Variants in MND1 observed in about 807,000 individuals in gnomAD.
The protein encoded by MND1 is meiotic nuclear division protein 1 homolog.
In MND1, 28 loss-of-function variants were observed where a neutral mutation model predicts 35.1. That is an observed-to-expected ratio of 0.80 (90% confidence interval 0.59 to 1.09). MND1 has a LOEUF of 1.09. MND1 is among the 50% of genes least tolerant of loss of function. The pLI is 0.00. For synonymous variants in MND1, 69 were observed against 70.5 expected (o/e 0.98, Z 0.11); for missense variants, 213 against 239.6 (o/e 0.89, Z 0.73).
rs374965367 is a variant in MND1, at chr4:153,389,949, T to C, written c.277-4313T>C. Among the ~76,000 whole-genome samples, 6 of 152,234 alleles carry C rather than the reference T, an allele frequency of 3.9e-5. No individual in the cohort carries two copies. In the South Asian group the frequency reaches 1.2e-3, roughly 32 times the overall value. On this transcript the variant is annotated intron_variant, in intron 4 of 7. Coordinates refer to ENST00000240488, the MANE Select transcript of MND1 (RefSeq NM_032117.4). Reference sequence around the variant, plus strand: ...CCTGGGAACATACTAGAAATGCACATTATTGGGCCCCACCCCAGATGTGCT... The same window carrying C: ...CCTGGGAACATACTAGAAATGCACACTATTGGGCCCCACCCCAGATGTGCT...
Position 153,380,290 on chromosome 4 carries a change from T to TAGATATCAGA in MND1, c.277-13972_277-13971insAGATATCAGA, listed in dbSNP as rs1189419445. On this transcript the variant is annotated intron_variant, in intron 4 of 7. Transcript: ENST00000240488. Reference sequence around the variant, plus strand: ...CCACCACACATTGATATCAGAGGTCTGGACTAGATTTCTTTTTTTTTGGCA... The same window carrying TAGATATCAGA: ...CCACCACACATTGATATCAGAGGTCTAGATATCAGAGGACTAGATTTCTTTTTTTTTGGCA... 2.6e-5 allele frequency among the ~76,000 whole-genome samples: 4 copies of TAGATATCAGA among 152,326 alleles called. No individual in the cohort carries two copies. In the East Asian group the frequency reaches 7.7e-4, roughly 29 times the overall value.
At chr4:153,361,955 G>T (rs906637810) in intron 4 of MND1, among the ~76,000 whole-genome samples, 1 of 151,918 alleles carries the variant, frequency 6.6e-6, no homozygotes, top group Non-Finnish European at 1.5e-5. Context: ...CGTCTATGTT[G>T]TTTAAGAACT....
intron 6 of MND1, among the ~76,000 whole-genome samples, chr4:153,403,156 T>C (rs143101526): frequency 6.6e-6 from 1 of 151,954 alleles, no homozygotes; most frequent in Non-Finnish European, 1.5e-5. Flanking sequence ...AGAAACTAAA[T>C]GATATGTTCA....
chr4:153,398,774 A>C (rs957434886), intron 6 of MND1, among the ~76,000 whole-genome samples: 1 of 152,228 alleles, frequency 6.6e-6, no homozygotes, highest in Non-Finnish European at 1.5e-5. Context: ...TACAAAAATA[A>C]ATACCTTAAT....
intron 4 of MND1, among the ~76,000 whole-genome samples, chr4:153,382,175 A>G (rs750448547): frequency 2.0e-5 from 3 of 152,062 alleles, no homozygotes; most frequent in South Asian, 2.1e-4. Context: ...CAGTATTTAT[A>G]TTTACTTAAC....
chr4:153,379,170 G>T (rs1177662448), intron 4 of MND1, among the ~76,000 whole-genome samples: 1 of 151,492 alleles, frequency 6.6e-6, no homozygotes, highest in African/African-American at 2.4e-5. Context: ...GGCGCCTGTA[G>T]TCCTAGCTAC....
intron 1 of MND1, chr4:153,345,234 C>T: frequency 2.9e-6 from 2 of 687,558 alleles, no homozygotes; most frequent in Non-Finnish European, 3.6e-6. Flanking sequence ...ACGTCTTGAT[C>T]CCAAAGCGCA....
intron 4 of MND1, among the ~76,000 whole-genome samples, chr4:153,368,502 A>T (rs376663302): frequency 6.6e-6 from 1 of 152,194 alleles, no homozygotes; most frequent in East Asian, 1.9e-4. Flanking sequence ...GGTCTGATAA[A>T]TGAGATGTAA....
intron 6 of MND1, among the ~76,000 whole-genome samples, chr4:153,408,318 A>G (rs910001061): frequency 4.6e-5 from 7 of 152,228 alleles, no homozygotes; most frequent in Non-Finnish European, 8.8e-5. Flanking sequence ...ATAGTTTACT[A>G]TGCTGAATTT....
chr4:153,407,905 A>G (rs1220561924), intron 6 of MND1, among the ~76,000 whole-genome samples: 4 of 152,214 alleles, frequency 2.6e-5, no homozygotes, highest in Non-Finnish European at 1.5e-5. Context: ...AAGGGGCACA[A>G]GGGTTTTTTC....
chr4:153,405,877 TCA>T (rs1309729989), intron 6 of MND1, among the ~76,000 whole-genome samples: 2 of 152,134 alleles, frequency 1.3e-5, no homozygotes, highest in African/African-American at 4.8e-5. Context: ...TGATCTTGGC[TCA>T]CTGCAGGCTC....
At chr4:153,379,199 A>G (rs1255871639) in intron 4 of MND1, among the ~76,000 whole-genome samples, 1 of 150,774 alleles carries the variant, frequency 6.6e-6, no homozygotes, top group African/African-American at 2.4e-5. Context: ...CTGAGGTAGG[A>G]GAATGGCGTG....
At chr4:153,394,478 G>A in intron 5 of MND1, 142 bp downstream of exon 5, 2 of 566,762 alleles carry the variant, frequency 3.5e-6, no homozygotes, top group Non-Finnish European at 6.1e-6. Flanking sequence ...TGACCTGGTA[G>A]GATTCACCAA....
At chr4:153,409,317 T>G (rs986856685) in intron 7 of MND1, among the ~76,000 whole-genome samples, 2 of 151,810 alleles carry the variant, frequency 1.3e-5, no homozygotes, top group Non-Finnish European at 2.9e-5. Flanking sequence ...TTCATATACA[T>G]TAATGTAAGA....
At chr4:153,360,382 T>C (rs1338377559) in intron 4 of MND1, among the ~76,000 whole-genome samples, 1 of 152,230 alleles carries the variant, frequency 6.6e-6, no homozygotes, top group East Asian at 1.9e-4. Context: ...TGTAACTAAA[T>C]AGTCGTGGCC....
At chr4:153,372,116 T>C (rs1056492850) in intron 4 of MND1, among the ~76,000 whole-genome samples, 1 of 151,990 alleles carries the variant, frequency 6.6e-6, no homozygotes, top group Non-Finnish European at 1.5e-5. Context: ...CCAAAACAAT[T>C]ACAATAGTAA....
At chr4:153,397,653 C>A (rs1352631631) in intron 6 of MND1, among the ~76,000 whole-genome samples, 1 of 145,506 alleles carries the variant, frequency 6.9e-6, no homozygotes. Flanking sequence ...CCCATCTCTA[C>A]AAAAAAAAAA....
At chr4:153,392,989 G>A (rs1263663013) in intron 4 of MND1, among the ~76,000 whole-genome samples, 1 of 152,078 alleles carries the variant, frequency 6.6e-6, no homozygotes, top group Non-Finnish European at 1.5e-5. Context: ...TTGTGGTGGT[G>A]CACACCTGCA....
intron 6 of MND1, among the ~76,000 whole-genome samples, chr4:153,406,151 A>G (rs1265067416): frequency 1.3e-5 from 2 of 152,146 alleles, no homozygotes; most frequent in African/African-American, 4.8e-5. Flanking sequence ...TGAATATGAC[A>G]CCAAAAGCAG....
Sources: allele counts gnomAD v4.1 joint callset (sites outside exome capture counted in the v4.1 genomes callset), GRCh38; gene constraint gnomAD v4.1.1; transcripts MANE v1.5; gene names NCBI Gene and HGNC (gene_info 2026-07-23, HGNC 2026-07-21).